CACNA1S: variants seen among roughly 807,000 people sequenced by gnomAD.
CACNA1S encodes calcium voltage-gated channel subunit alpha1 S.
CACNA1S carries 126 observed loss-of-function variants against 207.4 expected under a neutral mutation model. The observed-to-expected ratio is 0.61, with a 90% CI of 0.53 to 0.70. The LOEUF (loss-of-function observed/expected upper bound fraction) is 0.70, where lower values mean the gene tolerates loss of function less well. CACNA1S is among the 30% of genes least tolerant of loss of function. The pLI is 0.00. For synonymous variants in CACNA1S, 960 were observed against 932.7 expected, an observed-to-expected ratio of 1.03 and a Z score of -0.53; for missense variants, 2,349 against 2,422.8, an observed-to-expected ratio of 0.97 and a Z score of 0.64.
At chr1:201,069,687 G>A in intron 17 of CACNA1S, 86 bp from the exon 18 acceptor site, 1 of 1,468,910 alleles carries the variant, frequency 6.8e-7, no homozygotes, top group Non-Finnish European at 9.3e-7. Context: ...GGACGAACAT[G>A]GAATACACCT....
rs1457369935 is a variant in CACNA1S at position 201,053,575 on chromosome 1, T to G, written c.3679A>C (p.Ser1227Arg). ...GGCGNVDPDE[S>R]ARISSAFFRL... Reference sequence around the variant, plus strand: ...AAGAAGGCGCTGGAGATGCGGGCACTCTCATCTGGGTCCTGCGGGGCAGCA... The same window carrying G: ...AAGAAGGCGCTGGAGATGCGGGCACGCTCATCTGGGTCCTGCGGGGCAGCA... Residue 1227 changes from serine (S) to arginine (R), a missense_variant, in exon 30 of 44, where the codon AGT (serine) becomes CGT (arginine). Coordinates refer to ENST00000362061, the MANE Select transcript of CACNA1S (RefSeq NM_000069.3). The surrounding 1 kb of genome is among the most constrained non-coding windows in gnomAD (Gnocchi z 5.1). 6.2e-7 allele frequency: 1 copy of G among 1,612,284 alleles called. No individual in the cohort carries two copies. The highest frequency in any genetic ancestry group is 1.1e-5 in the South Asian group (1 of 91,036).
rs1661102034 is a variant in CACNA1S at position 201,062,624 on chromosome 1, T to C, written c.2854-110A>G. ...GAAGGGGGGAGGGAAGGCAGGCATC[T>C]GAAAAAAGGAGCCCAAGCCCATCTC... On this transcript the variant is annotated intron_variant, in intron 22 of 43. Coordinates refer to ENST00000362061, the MANE Select transcript of CACNA1S (RefSeq NM_000069.3). 4.2e-6 allele frequency: 4 copies of C among 957,690 alleles called. No homozygotes were observed. In the South Asian group the frequency reaches 5.4e-5, roughly 13 times the overall value. The allele number at this position is 957,690 out of a possible 1,614,324, so 59.3% of individuals were successfully genotyped here.
In CACNA1S at chr1:201,043,551, C is replaced by T. The variant is rs752433538; in HGVS notation, c.4798-20G>A. ...AGTCCTCTAGGGGCAAGGAGAAGAGCAGTGACTGGGGGTGAGGGCAGGGAG... is the reference window on the plus strand; with the variant it reads ...AGTCCTCTAGGGGCAAGGAGAAGAGTAGTGACTGGGGGTGAGGGCAGGGAG... On this transcript the variant is annotated intron_variant, in intron 39 of 43. Transcript: ENST00000362061. 2 of 1,613,562 alleles carry T rather than the reference C, an allele frequency of 1.2e-6. No homozygotes were observed. Among genetic ancestry groups the T allele is most frequent in the South Asian group, 1.1e-5 (1 of 91,032 alleles).
Position 201,049,357 on chromosome 1 carries a change from G to A in CACNA1S, c.4242-258C>T, listed in dbSNP as rs146994126. ...ATTCCCTCAGATATGGGATAACCAG[G>A]TCTGGAATCCAGACCTCATTTTCCC... is the stretch of plus-strand genomic sequence containing the variant. On this transcript the variant is annotated intron_variant, in intron 34 of 43. Coordinates refer to ENST00000362061, the MANE Select transcript of CACNA1S (RefSeq NM_000069.3). Among the ~76,000 whole-genome samples the A allele has an allele frequency of 1.1e-3, 163 of 152,328 alleles. 2 individuals are homozygous for A. In the East Asian group the frequency reaches 0.025, roughly 24 times the overall value.
At position 201,086,580 on chromosome 1, in the gene CACNA1S, C is replaced by T. The variant is rs576114055; in HGVS notation, c.1005-999G>A. On this transcript the variant is annotated intron_variant, in intron 7 of 43. Transcript: ENST00000362061. Reference sequence around the variant, plus strand: ...AGGCGATTGTATCTGTGGATCTAAACATAGCTAAACATAGAGAAGGTACAG... The same window carrying T: ...AGGCGATTGTATCTGTGGATCTAAATATAGCTAAACATAGAGAAGGTACAG... 2.0e-5 allele frequency among the ~76,000 whole-genome samples: 3 copies of T among 152,328 alleles called. No individual in the cohort carries two copies. In the East Asian group the frequency reaches 5.8e-4, roughly 29 times the overall value.
At chr1:201,042,413 C>T (rs190993876) in intron 40 of CACNA1S, among the ~76,000 whole-genome samples, 8 of 152,364 alleles carry the variant, frequency 5.3e-5, no homozygotes, top group Non-Finnish European at 8.8e-5. Context: ...GCTGGGATTA[C>T]AGGCATGAGC....
Position 201,041,722 on chromosome 1 carries a change from AG to A in CACNA1S, c.5049-134del, listed in dbSNP as rs1184482190. 6 of 729,138 alleles carry A rather than the reference AG, an allele frequency of 8.2e-6. No individual in the cohort carries two copies. In the African/African-American group the frequency reaches 8.7e-5, roughly 11 times the overall value. The allele number at this position is 729,138 out of a possible 1,614,324, so 45.2% of individuals were successfully genotyped here. A position where few individuals can be genotyped will look rare whatever the true frequency, so the allele number is the denominator to read the frequency against. On this transcript the variant is annotated intron_variant, in intron 40 of 43. Transcript: ENST00000362061. ...AACCTAGTGTAGCAGCCGTGACTCT[AG>A]GGCTGACGTTTCCACCACTGTGCCC...
At chr1:201,051,355 G>C (rs1660642663) in intron 32 of CACNA1S, among the ~76,000 whole-genome samples, 2 of 152,204 alleles carry the variant, frequency 1.3e-5, no homozygotes, top group South Asian at 4.1e-4. Context: ...GGTGTTACAA[G>C]CAGGAGCTAA....
chr1:201,046,748 G>T (rs1241039340), intron 38 of CACNA1S, among the ~76,000 whole-genome samples: 6 of 151,950 alleles, frequency 3.9e-5, no homozygotes, highest in Non-Finnish European at 8.8e-5. Context: ...TGGCCAGGCT[G>T]GTCTTGAACT....
intron 34 of CACNA1S, among the ~76,000 whole-genome samples, chr1:201,049,374 C>T (rs1471603217): frequency 6.6e-6 from 1 of 152,226 alleles, no homozygotes; most frequent in African/African-American, 2.4e-5. Context: ...ATCCAGACCT[C>T]ATTTTCCCTA....
At chr1:201,063,478 G>T (rs1661140701) in intron 22 of CACNA1S, among the ~76,000 whole-genome samples, 1 of 152,046 alleles carries the variant, frequency 6.6e-6, no homozygotes, top group Non-Finnish European at 1.5e-5. Flanking sequence ...TTAGTGAGAA[G>T]GGGTTTCACC....
At chr1:201,082,602 C>G (rs1661876828) in intron 10 of CACNA1S, among the ~76,000 whole-genome samples, 1 of 152,108 alleles carries the variant, frequency 6.6e-6, no homozygotes, top group Non-Finnish European at 1.5e-5. Context: ...TTGTATTTAC[C>G]TCTATCATTG....
chr1:201,077,823 A>C (rs924284808), intron 11 of CACNA1S, 56 bp downstream of exon 11: 5 of 1,248,408 alleles, frequency 4.0e-6, no homozygotes, highest in African/African-American at 1.5e-5. Flanking sequence ...TGTAGACCAG[A>C]CCAGCCCGTG....
chr1:201,076,860 G>T, intron 12 of CACNA1S, 60 bp downstream of exon 12: 1 of 1,480,500 alleles, frequency 6.8e-7, no homozygotes, highest in Non-Finnish European at 9.4e-7. Context: ...TGATCTTGAA[G>T]GACAAGAAGC....
intron 41 of CACNA1S, 150 bp from the exon 42 acceptor site, chr1:201,040,863 T>C: frequency 1.5e-6 from 1 of 657,514 alleles, no homozygotes. Context: ...GGTGGACACA[T>C]GATGAGGCCC....
chr1:201,088,000 ACT>A lies in CACNA1S; in HGVS notation c.901-73_901-72del. ...CTCTTCCCCAAGTCTGCTCATTAAG[ACT>A]CCACCCAACCCTGGGGGACAAGGAG... is the stretch of plus-strand genomic sequence containing the variant. On this transcript the variant is annotated intron_variant, in intron 6 of 43. Coordinates refer to ENST00000362061, the MANE Select transcript of CACNA1S (RefSeq NM_000069.3). 3 of 973,952 alleles carry A rather than the reference ACT, an allele frequency of 3.1e-6. No individual in the cohort carries two copies. In the South Asian group the frequency reaches 4.1e-5, roughly 13 times the overall value. 60.3% of individuals were successfully genotyped at this position (973,952 alleles called of 1,614,324 possible). A position where few individuals can be genotyped will look rare whatever the true frequency, so the allele number is the denominator to read the frequency against.
In CACNA1S at chr1:201,085,463, C is replaced by T. The variant is rs1174671318; in HGVS notation, c.1123G>A (p.Val375Ile). Residue 375 changes from valine to isoleucine, a missense_variant, in exon 8 of 44, where the codon GTC (valine) becomes ATC (isoleucine). Transcript: ENST00000362061. ...TCTCTGAAGTCCTCAACATCCATGA[C>T]CTCGCCCTGCGTGATCCAGCTCATG... ...GYMSWITQGEVMDVEDFREGK... is the reference protein window; with the variant it reads ...GYMSWITQGEIMDVEDFREGK... 2 of 1,613,406 alleles carry T rather than the reference C, an allele frequency of 1.2e-6. No homozygotes were observed. The highest frequency in any genetic ancestry group is 1.7e-5 in the Admixed American group (1 of 59,878).
At chr1:201,074,454 C>T in intron 14 of CACNA1S, 52 bp downstream of exon 14, 2 of 1,147,586 alleles carry the variant, frequency 1.7e-6, no homozygotes, top group Non-Finnish European at 2.6e-6. Context: ...AGCTGGAAGG[C>T]CATGGCCACG....
chr1:201,054,655 G>T, intron 28 of CACNA1S, 94 bp from the exon 29 acceptor site: 1 of 817,980 alleles, frequency 1.2e-6, no homozygotes, highest in Non-Finnish European at 1.8e-6. Flanking sequence ...AGAAAGGACA[G>T]ACACACAGAA....
Sources: gnomAD v4.1 joint callset for allele counts (sites outside exome capture counted in the v4.1 genomes callset) on GRCh38, gnomAD v4.1.1 for gene constraint, Gnocchi (gnomAD v3.1) non-coding constraint, MANE v1.5 for transcripts, NCBI Gene and HGNC (gene_info 2026-07-23, HGNC 2026-07-21) for gene names.